The following CSMD1 variants were observed in gnomAD, a reference collection of about 807,000 sequenced individuals.
CSMD1 encodes the protein CUB and sushi domain-containing protein 1.
A neutral mutation model predicts 417.5 loss-of-function variants in CSMD1; 213 were observed. That is an observed-to-expected ratio of 0.51 (90% CI 0.46 to 0.57). The LOEUF is 0.57. Among genes scored for constraint, CSMD1 ranks in the 20% least tolerant of loss-of-function variants. The pLI, the probability that CSMD1 is intolerant of heterozygous loss-of-function variation, is 0.00. For synonymous variants in CSMD1, 2,862 were observed against 1,736.8 expected, an observed-to-expected ratio of 1.65 and a Z score of -16.11; for missense variants, 6,923 against 4,529.7, an observed-to-expected ratio of 1.53 and a Z score of -15.17.
intron 1 of CSMD1, among the ~76,000 whole-genome samples, chr8:4,808,178 C>T (rs1334777302): frequency 6.6e-6 from 1 of 152,164 alleles, no homozygotes; most frequent in Non-Finnish European, 1.5e-5. Context: ...CAGAGGGCGG[C>T]AGGCAGATTG....
intron 2 of CSMD1, among the ~76,000 whole-genome samples, chr8:4,576,352 G>C (rs1799137117): frequency 6.6e-6 from 1 of 152,218 alleles, no homozygotes; most frequent in African/African-American, 2.4e-5. Flanking sequence ...TCACTCTTCA[G>C]GGGAGAGTCA....
rs149885817 is a variant in CSMD1 at position 4,858,519 on chromosome 8, A to C, written c.85+135813T>G. ...ATGATTGTATATCCAGAAAACCCCA[A>C]TGTCTCAGCCCAAAATCTCCTTAAG... On this transcript the variant is annotated intron_variant, in intron 1 of 69. Transcript: ENST00000635120. Among the ~76,000 whole-genome samples, 914 of 152,112 alleles carry C rather than the reference A, an allele frequency of 6.0e-3. 13 individuals carry two copies. Among genetic ancestry groups the C allele is most frequent in the African/African-American group, 0.02 (834 of 41,492 alleles).
chr8:3,268,551 G>A (rs1801606482), intron 26 of CSMD1, among the ~76,000 whole-genome samples: 1 of 151,988 alleles, frequency 6.6e-6, no homozygotes, highest in Non-Finnish European at 1.5e-5. Flanking sequence ...CTCCTAAAGT[G>A]CTGGGATTAC....
chr8:3,891,781 C>A, intron 5 of CSMD1, among the ~76,000 whole-genome samples: 1 of 152,242 alleles, frequency 6.6e-6, no homozygotes. Flanking sequence ...AACGTCATTA[C>A]TATGTGATTT....
chr8:3,294,467 C>T (rs541930620), intron 25 of CSMD1, among the ~76,000 whole-genome samples: 49 of 152,190 alleles, frequency 3.2e-4, no homozygotes, highest in Non-Finnish European at 6.0e-4. Flanking sequence ...GTGGTGGGCT[C>T]CACCCAGTTC....
chr8:4,406,525 A>G (rs544928512), intron 3 of CSMD1, among the ~76,000 whole-genome samples: 1 of 152,280 alleles, frequency 6.6e-6, no homozygotes, highest in South Asian at 2.1e-4. Flanking sequence ...ATTACTTTTC[A>G]TTCTAAGAAG....
intron 5 of CSMD1, among the ~76,000 whole-genome samples, chr8:3,779,292 G>A (rs747699636): frequency 6.6e-6 from 1 of 151,840 alleles, no homozygotes; most frequent in Non-Finnish European, 1.5e-5. Flanking sequence ...ATGAAACTAG[G>A]CTTGAACTTT....
intron 5 of CSMD1, among the ~76,000 whole-genome samples, chr8:3,846,980 A>G (rs1004686726): frequency 6.6e-6 from 1 of 152,000 alleles, no homozygotes; most frequent in Non-Finnish European, 1.5e-5. Context: ...TGGCCCCAGG[A>G]TTTACTTTTT....
chr8:4,064,918 G>C (rs561459954), intron 3 of CSMD1, among the ~76,000 whole-genome samples: 3 of 136,774 alleles, frequency 2.2e-5, no homozygotes, highest in East Asian at 3.1e-4. Context: ...ATTGAGAATA[G>C]GACCTAGGCT....
intron 6 of CSMD1, among the ~76,000 whole-genome samples, chr8:3,745,484 C>G (rs1166034869): frequency 1.3e-5 from 2 of 152,180 alleles, no homozygotes; most frequent in Non-Finnish European, 2.9e-5. Context: ...CTGAGGAAAC[C>G]AGGTTCTGCA....
At chr8:4,306,955 C>G (rs533128778) in intron 3 of CSMD1, among the ~76,000 whole-genome samples, 1 of 152,160 alleles carries the variant, frequency 6.6e-6, no homozygotes, top group Non-Finnish European at 1.5e-5. Flanking sequence ...ATCCTACCCC[C>G]AAGCATCTCT....
At chr8:4,202,954 G>A (rs1799747891) in intron 3 of CSMD1, among the ~76,000 whole-genome samples, 1 of 152,098 alleles carries the variant, frequency 6.6e-6, no homozygotes, top group Admixed American at 6.5e-5. Flanking sequence ...TTTTGCAGTT[G>A]TGGGAGGAGA....
intron 25 of CSMD1, among the ~76,000 whole-genome samples, chr8:3,301,462 G>C (rs956573174): frequency 6.6e-6 from 1 of 152,146 alleles, no homozygotes; most frequent in African/African-American, 2.4e-5. Flanking sequence ...GAAGGTAACT[G>C]ATGAAGAGAA....
At chr8:4,690,816 C>T (rs1754549588) in intron 1 of CSMD1, among the ~76,000 whole-genome samples, 1 of 152,110 alleles carries the variant, frequency 6.6e-6, no homozygotes, top group South Asian at 2.1e-4. Flanking sequence ...GCAACCTCTT[C>T]CTGCCGGGTT....
In CSMD1 at chr8:4,994,333, C is replaced by G. The variant is rs969638745; in HGVS notation, c.84G>C (p.Lys28Asn). 6.2e-7 allele frequency: 1 copy of G among 1,610,002 alleles called. No homozygotes were observed. Among genetic ancestry groups the G allele is most frequent in the African/African-American group, 1.3e-5 (1 of 74,942 alleles). The change falls in exon 1 of 70, where the codon AAG becomes AAC. Residue 28 changes from lysine (K) to asparagine (N), a missense_variant and splice_region_variant. By Grantham distance (94) the Lys-to-Asn change is moderately conservative (BLOSUM62 0). Transcript: ENST00000635120. ...VLCARLLTAA[K>N]GQNCGGLVQG... ...CGGCCAGGAGCAAGTCCGTCTTACC[C>G]TTCGCTGCAGTGAGGAGCCTCGCGC...
intron 12 of CSMD1, among the ~76,000 whole-genome samples, chr8:3,433,714 C>T (rs1003405573): frequency 3.3e-5 from 5 of 152,248 alleles, no homozygotes; most frequent in Admixed American, 2.0e-4. Flanking sequence ...ACCCCATATT[C>T]TTATTTTCTA....
At chr8:4,457,588 C>T (rs924049935) in intron 2 of CSMD1, among the ~76,000 whole-genome samples, 3 of 152,006 alleles carry the variant, frequency 2.0e-5, no homozygotes, top group East Asian at 1.9e-4. Context: ...GCTTCAAATG[C>T]ACCCTACATT....
At chr8:3,070,509 T>C (rs1813261801) in intron 49 of CSMD1, among the ~76,000 whole-genome samples, 1 of 152,210 alleles carries the variant, frequency 6.6e-6, no homozygotes, top group South Asian at 2.1e-4. Flanking sequence ...CTCATTATTC[T>C]GAAGTTCAAA....
At chr8:4,868,421 G>A (rs913837944) in intron 1 of CSMD1, among the ~76,000 whole-genome samples, 2 of 151,930 alleles carry the variant, frequency 1.3e-5, no homozygotes, top group East Asian at 1.9e-4. Flanking sequence ...TTTTAGTAGA[G>A]ACCGGGGTTT....
Sources: gnomAD v4.1 joint callset for allele counts (sites outside exome capture counted in the v4.1 genomes callset) on GRCh38, gnomAD v4.1.1 for gene constraint, MANE v1.5 for transcripts, NCBI Gene and HGNC (gene_info 2026-07-23, HGNC 2026-07-21) for gene names.